TEX9: variants seen among roughly 807,000 people sequenced by gnomAD.
The protein encoded by TEX9 is testis-expressed protein 9.
In TEX9, 74 loss-of-function variants were observed where a neutral mutation model predicts 59.6. That is an observed-to-expected ratio of 1.24 (90% CI 1.03 to 1.51). The LOEUF (loss-of-function observed/expected upper bound fraction) is 1.51. Among genes scored for constraint, TEX9 ranks in the 40% most tolerant of loss-of-function variants. The probability of loss-of-function intolerance (pLI) is 0.00; values close to 1 mark genes in which losing one functional copy is unlikely to be tolerated. For synonymous variants in TEX9, 186 were observed against 152.2 expected (o/e 1.22, Z -1.64); for missense variants, 522 against 447.8 (o/e 1.17, Z -1.49).
chr15:56,416,539 C>G (rs2140185308), intron 10 of TEX9, among the ~76,000 whole-genome samples: 1 of 151,958 alleles, frequency 6.6e-6, no homozygotes, highest in Admixed American at 6.6e-5. Flanking sequence ...TGAACCAACC[C>G]TGTATCCCAG....
intron 1 of TEX9, among the ~76,000 whole-genome samples, chr15:56,248,076 TTA>T (rs551660598): frequency 1.3e-5 from 2 of 152,094 alleles, no homozygotes; most frequent in African/African-American, 4.8e-5. Context: ...CTAGGAGGGC[TTA>T]TATATATATA....
chr15:56,444,490 G>A, intron 12 of TEX9: 1 of 1,608,990 alleles, frequency 6.2e-7, no homozygotes, highest in Non-Finnish European at 8.5e-7. Context: ...TCAATCATGA[G>A]TTTCTCTTTT....
chr15:56,368,494 A>G (rs568016500), intron 2 of TEX9, among the ~76,000 whole-genome samples: 10 of 152,166 alleles, frequency 6.6e-5, no homozygotes, highest in African/African-American at 2.4e-4. Context: ...TTTTATAATT[A>G]GAGATTTTCT....
the TEX9 span, among the ~76,000 whole-genome samples, chr15:56,453,207 C>G: frequency 9.9e-5 from 15 of 151,908 alleles, no homozygotes; most frequent in African/African-American, 3.1e-4. Context: ...TTTTAATTCC[C>G]AAAAGACATA....
At chr15:56,394,426 A>G (rs1331607065) in intron 8 of TEX9, 179 bp downstream of exon 8, 1 of 636,270 alleles carries the variant, frequency 1.6e-6, no homozygotes, top group African/African-American at 1.9e-5. Flanking sequence ...GAGCTGAAAT[A>G]TCTTAAATTC....
chr15:56,389,829 T>G (rs1327008812), intron 6 of TEX9, among the ~76,000 whole-genome samples: 3 of 151,904 alleles, frequency 2.0e-5, no homozygotes, highest in African/African-American at 7.2e-5. Flanking sequence ...AGGACTATAA[T>G]ATAATTATAA....
chr15:56,386,369 C>T (rs929688810), intron 4 of TEX9, among the ~76,000 whole-genome samples: 1 of 151,584 alleles, frequency 6.6e-6, no homozygotes, highest in East Asian at 1.9e-4. Flanking sequence ...TGACCATATA[C>T]ATTAGCTAAA....
At chr15:56,322,414 G>C (rs889987337) in intron 1 of TEX9, among the ~76,000 whole-genome samples, 1 of 152,192 alleles carries the variant, frequency 6.6e-6, no homozygotes, top group African/African-American at 2.4e-5. Flanking sequence ...GAAAACCATC[G>C]TGGTCATGCA....
intron 3 of TEX9, among the ~76,000 whole-genome samples, chr15:56,377,243 G>C (rs562274338): frequency 6.6e-6 from 1 of 151,996 alleles, no homozygotes; most frequent in African/African-American, 2.4e-5. Context: ...TTCTGAGTCT[G>C]TTGTGGTTCC....
At chr15:56,336,230 G>A (rs1212127363) in intron 1 of TEX9, among the ~76,000 whole-genome samples, 5 of 152,076 alleles carry the variant, frequency 3.3e-5, no homozygotes, top group African/African-American at 1.2e-4. Context: ...ACTCTGAGAT[G>A]GTGCAATAAA....
At chr15:56,364,605 G>C (rs190389781), upstream of TEX9, among the ~76,000 whole-genome samples, 9 of 151,886 alleles carry the variant, frequency 5.9e-5, no homozygotes, top group Non-Finnish European at 1.3e-4. Context: ...CCTAAGTTTA[G>C]GTCTTTGATA....
intron 1 of TEX9, among the ~76,000 whole-genome samples, chr15:56,306,840 T>C (rs1288305196): frequency 6.6e-6 from 1 of 152,242 alleles, no homozygotes; most frequent in Non-Finnish European, 1.5e-5. Flanking sequence ...TGCATGCTTG[T>C]ATCAAAATAT....
chr15:56,364,351 C>A (rs2046852461), upstream of TEX9, among the ~76,000 whole-genome samples: 1 of 151,524 alleles, frequency 6.6e-6, no homozygotes, highest in Admixed American at 6.6e-5. Flanking sequence ...CGGGGTTTCT[C>A]CATATTGGTC....
chr15:56,320,305 C>G (rs745897416), intron 1 of TEX9, among the ~76,000 whole-genome samples: 1 of 152,122 alleles, frequency 6.6e-6, no homozygotes, highest in Non-Finnish European at 1.5e-5. Context: ...AATAAAATAC[C>G]ATAGACTGAG....
At chr15:56,383,812 G>C in intron 3 of TEX9, 140 bp from the exon 4 acceptor site, 1 of 562,704 alleles carries the variant, frequency 1.8e-6, no homozygotes, top group South Asian at 3.1e-5. Flanking sequence ...TCATACTATA[G>C]CATTTAGAAT....
At chr15:56,264,129 T>C (rs1240983533) in intron 1 of TEX9, among the ~76,000 whole-genome samples, 4 of 152,236 alleles carry the variant, frequency 2.6e-5, no homozygotes, top group Non-Finnish European at 5.9e-5. Context: ...GCCATGTAAG[T>C]ATACATTTAA....
intron 1 of TEX9, among the ~76,000 whole-genome samples, chr15:56,352,409 T>C (rs1356495696): frequency 6.8e-6 from 1 of 147,958 alleles, no homozygotes; most frequent in African/African-American, 2.5e-5. Context: ...CACGCCCAGC[T>C]AATTTTTTTT....
chr15:56,300,115 C>T (rs1436588940), intron 1 of TEX9, among the ~76,000 whole-genome samples: 3 of 152,076 alleles, frequency 2.0e-5, no homozygotes, highest in Admixed American at 1.3e-4. Flanking sequence ...TTTTTTGAAC[C>T]GCCCTGGACC....
intron 1 of TEX9, among the ~76,000 whole-genome samples, chr15:56,287,923 A>G (rs1250432448): frequency 6.6e-6 from 1 of 152,138 alleles, no homozygotes; most frequent in Non-Finnish European, 1.5e-5. Flanking sequence ...TCATTCATTG[A>G]TAAACACTTA....
Sources: allele counts gnomAD v4.1 joint callset (sites outside exome capture counted in the v4.1 genomes callset), GRCh38; gene constraint gnomAD v4.1.1; transcripts MANE v1.5; gene names NCBI Gene and HGNC (gene_info 2026-07-23, HGNC 2026-07-21).